The following TSEN34 variants were observed in gnomAD, a reference collection of about 807,000 sequenced individuals.
The protein encoded by TSEN34 is tRNA-splicing endonuclease subunit Sen34.
Under a neutral mutation model 30.2 loss-of-function variants are expected in TSEN34, and 25 were observed. The observed-to-expected ratio is 0.83, with a 90% CI of 0.60 to 1.16. The LOEUF is 1.16. Ranked by LOEUF, TSEN34 falls within the 50% of genes most tolerant of loss-of-function variation. The probability of loss-of-function intolerance (pLI) is 0.00; values close to 1 mark genes in which losing one functional copy is unlikely to be tolerated. For missense variants in TSEN34, 475 were observed against 411.9 expected (o/e 1.15, Z -1.33); for synonymous variants, 209 against 177.4 (o/e 1.18, Z -1.41).
At position 54,194,013 on chromosome 19, in the gene TSEN34, G is replaced by A; in HGVS notation, c.*651G>A. The A allele has an allele frequency of 7.1e-6, 2 of 282,918 alleles. No individual in the cohort carries two copies. Among genetic ancestry groups the A allele is most frequent in the South Asian group, 1.2e-4 (2 of 17,178 alleles). 17.5% of individuals were successfully genotyped at this position (282,918 alleles called of 1,614,324 possible). ...GCCCAGGAGTTTGAGACCAGCTCTG[G>A]CAACATTGTAATACCCAGTCTCTAC... On this transcript the variant is annotated 3_prime_UTR_variant, in exon 4 of 4. Transcript: ENST00000396388.
Position 54,193,275 on chromosome 19 carries a change from C to G in TSEN34, c.846C>G (p.Thr282=), listed in dbSNP as rs753154204. 1 of 1,614,040 alleles carries G rather than the reference C, an allele frequency of 6.2e-7. No homozygotes were observed. The highest frequency in any genetic ancestry group is 8.5e-7 in the Non-Finnish European group (1 of 1,180,046). The change falls in exon 4 of 4, where the codon ACC becomes ACG. Residue 282 remains threonine (T), a synonymous_variant. Coordinates refer to ENST00000396388, the MANE Select transcript of TSEN34 (RefSeq NM_001077446.4). ...TGGTTGCTGCTGGGCGCCTTGGAAC[C>G]AGCGTCAGAAAGACCCTGCTCCTCT... ...QDLVAAGRLG[T]SVRKTLLLCS...
Position 54,191,579 on chromosome 19 carries a change from C to G in TSEN34, c.215C>G (p.Pro72Arg), listed in dbSNP as rs765988539. The G allele has an allele frequency of 3.1e-6, 5 of 1,602,618 alleles. No individual in the cohort carries two copies. Among genetic ancestry groups the G allele is most frequent in the African/African-American group, 1.3e-5 (1 of 74,974 alleles). ...GGCGCCGTGACTCTGGTCAGCGCCC[C>G]GCGTCCAGACTCTCGGCACCACAGC... Reference protein sequence around the residue: ...EIGAVTLVSAPRPDSRHHSLA... With the variant: ...EIGAVTLVSARRPDSRHHSLA... Residue 72 changes from proline (P) to arginine (R), a missense_variant, in exon 1 of 4, where the codon CCG becomes CGG. Pro to Arg is a moderately radical substitution (Grantham distance 103). Coordinates refer to ENST00000396388, the MANE Select transcript of TSEN34 (RefSeq NM_001077446.4).
Position 54,191,308 on chromosome 19 carries a change from G to T in TSEN34, c.-57G>T, listed in dbSNP as rs1472943060. The T allele has an allele frequency of 6.5e-7, 1 of 1,546,788 alleles. No homozygotes were observed. The highest frequency in any genetic ancestry group is 1.2e-5 in the South Asian group (1 of 83,870). ...CCGGAGGCTTTGGGTGCGCTGCAGCGGTCCGCGGCGCGCAGCTGTTTCGGT... is the reference window on the plus strand; with the variant it reads ...CCGGAGGCTTTGGGTGCGCTGCAGCTGTCCGCGGCGCGCAGCTGTTTCGGT... On this transcript the variant is annotated 5_prime_UTR_variant, in exon 1 of 4. Transcript: ENST00000396388.
upstream of TSEN34, chr19:54,191,179 G>A: frequency 1.4e-6 from 2 of 1,384,424 alleles, no homozygotes; most frequent in Admixed American, 3.4e-5. Context: ...GGCCTGGTGG[G>A]ATCGCCCGGG....
chr19:54,190,802 C>T (rs1269252836), upstream of TSEN34: 1 of 1,085,796 alleles, frequency 9.2e-7, no homozygotes, highest in Non-Finnish European at 1.1e-6. Context: ...AGTCTGAGAG[C>T]GAGGAGGTCC....
upstream of TSEN34, chr19:54,190,817 G>T: frequency 3.7e-6 from 4 of 1,074,330 alleles, no homozygotes; most frequent in Non-Finnish European, 4.5e-6. Flanking sequence ...AGGTCCGAAA[G>T]CCGAATCACA....
At position 54,193,312 on chromosome 19, in the gene TSEN34, C is replaced by A; in HGVS notation, c.883C>A (p.Pro295Thr). Residue 295 changes from proline (P) to threonine (T), a missense_variant, in exon 4 of 4, where the codon CCT (proline) becomes ACT (threonine). Pro to Thr is a conservative substitution (Grantham distance 38). Coordinates refer to ENST00000396388, the MANE Select transcript of TSEN34 (RefSeq NM_001077446.4). ...GACCCTGCTCCTCTGTTCTCCGCAG[C>A]CTGATGGTAAGGTGGTCTACACCTC... The part of the protein sequence containing the change: ...RKTLLLCSPQ[P>T]DGKVVYTSLQ... 1 of 1,614,176 alleles carries A rather than the reference C, an allele frequency of 6.2e-7. No homozygotes were observed.
chr19:54,192,341 G>C lies in TSEN34; in HGVS notation c.713G>C (p.Gly238Ala). ...WERGFFLSAA[G>A]KFGGDFLVYP... ...CGAGGCTTCTTCCTCAGTGCGGCTG[G>C]CAAGTTCGGAGGTGACTTCCTGGTC... Residue 238 changes from glycine (G) to alanine (A), a missense_variant, in exon 3 of 4, where the codon GGC (glycine) becomes GCC (alanine). Gly to Ala is a moderately conservative substitution (Grantham distance 60, BLOSUM62 0). Coordinates refer to ENST00000396388, the MANE Select transcript of TSEN34 (RefSeq NM_001077446.4). 1.2e-6 allele frequency: 2 copies of C among 1,614,208 alleles called. No individual in the cohort carries two copies. The highest frequency in any genetic ancestry group is 2.2e-5 in the South Asian group (2 of 91,084).
upstream of TSEN34, chr19:54,190,080 G>C: frequency 1.9e-6 from 1 of 523,502 alleles, no homozygotes; most frequent in East Asian, 3.5e-5. Context: ...GCGGAACCCC[G>C]AGGGCCGGCG....
At chr19:54,190,679 C>T (rs1446951532), upstream of TSEN34, 41 of 1,238,860 alleles carry the variant, frequency 3.3e-5, no homozygotes, top group Non-Finnish European at 4.0e-5. Context: ...AACACCCGAA[C>T]GTCAAATTGC....
At position 54,193,271 on chromosome 19, in the gene TSEN34, GA is replaced by G; in HGVS notation, c.844del (p.Thr282ProfsTer110). 6.2e-7 allele frequency: 1 copy of G among 1,614,134 alleles called. No homozygotes were observed. Among genetic ancestry groups the G allele is most frequent in the South Asian group, 1.1e-5 (1 of 91,072 alleles). ...GACCTGGTTGCTGCTGGGCGCCTTG[GA>G]ACCAGCGTCAGAAAGACCCTGCTCC... ...LQDLVAAGRL[G>X]TSVRKTLLLC... On this transcript the variant is annotated frameshift_variant, in exon 4 of 4. Transcript: ENST00000396388. LOFTEE classifies it high-confidence loss of function.
chr19:54,193,520 T>A lies in TSEN34; in HGVS notation c.*158T>A. The A allele has an allele frequency of 6.5e-7, 1 of 1,539,962 alleles. No homozygotes were observed. Among genetic ancestry groups the A allele is most frequent in the Non-Finnish European group, 8.7e-7 (1 of 1,145,366 alleles). On this transcript the variant is annotated 3_prime_UTR_variant, in exon 4 of 4. Coordinates refer to ENST00000396388, the MANE Select transcript of TSEN34 (RefSeq NM_001077446.4). ...CACTACATCTTTTTTATGTTCTTCC[T>A]TGTTTCAAAGCACTTATTGGCTGTG...
upstream of TSEN34, chr19:54,189,932 T>C (rs534732344): frequency 5.0e-5 from 14 of 279,678 alleles, no homozygotes; most frequent in Admixed American, 3.1e-4. Flanking sequence ...CGGATGTGGG[T>C]GGGGCCACAA....
intron 3 of TSEN34, among the ~76,000 whole-genome samples, chr19:54,192,585 C>T (rs961614835): frequency 2.0e-5 from 3 of 152,060 alleles, no homozygotes; most frequent in African/African-American, 7.2e-5. Context: ...TTTTGTCTCA[C>T]TTTCTCTTAG....
chr19:54,194,476 T>C lies in TSEN34; in HGVS notation c.*1114T>C, dbSNP rs1458297607. On this transcript the variant is annotated 3_prime_UTR_variant, in exon 4 of 4. Coordinates refer to ENST00000396388, the MANE Select transcript of TSEN34 (RefSeq NM_001077446.4). ...TGAAATCATTTACCCATGTTTTTGC[T>C]TAAGAAAGTACTAGAACACTACCAC... 1 of 152,216 alleles carries C rather than the reference T, an allele frequency of 6.6e-6. No individual in the cohort carries two copies. The highest frequency in any genetic ancestry group is 1.5e-5 in the Non-Finnish European group (1 of 68,048). The allele number at this position is 152,216 out of a possible 1,614,324, so 9.4% of individuals were successfully genotyped here. A position where few individuals can be genotyped will look rare whatever the true frequency, so the allele number is the denominator to read the frequency against.
upstream of TSEN34, chr19:54,190,305 A>G: frequency 2.7e-6 from 4 of 1,459,058 alleles, no homozygotes; most frequent in East Asian, 2.6e-5. Context: ...GAGGGGGTGG[A>G]GCAAGGAGCG....
intron 1 of TSEN34, 25 bp from the exon 2 acceptor site, chr19:54,191,696 G>T: frequency 6.2e-7 from 1 of 1,613,622 alleles, no homozygotes; most frequent in Non-Finnish European, 8.5e-7. Flanking sequence ...TAAGCTTGGA[G>T]GTTCCAGCGA....
Position 54,191,615 on chromosome 19 carries a change from G to C in TSEN34, c.243+8G>C. 3.7e-6 allele frequency: 6 copies of C among 1,604,802 alleles called. No individual in the cohort carries two copies. Among genetic ancestry groups the C allele is most frequent in the Non-Finnish European group, 5.1e-6 (6 of 1,179,292 alleles). On this transcript the variant is annotated splice_region_variant and intron_variant, in intron 1 of 3. Coordinates refer to ENST00000396388, the MANE Select transcript of TSEN34 (RefSeq NM_001077446.4). ...TCTCGGCACCACAGCCTGGTAAGGGGGCGGGGCTCGAACTCGGGTTCGGTG... is the reference window on the plus strand; with the variant it reads ...TCTCGGCACCACAGCCTGGTAAGGGCGCGGGGCTCGAACTCGGGTTCGGTG...
At chr19:54,192,948 T>C (rs1223738726) in intron 3 of TSEN34, among the ~76,000 whole-genome samples, 2 of 138,794 alleles carry the variant, frequency 1.4e-5, no homozygotes, top group African/African-American at 5.6e-5. Context: ...GAGGTTGTAG[T>C]GAGCCAAGAT....
Sources: gnomAD v4.1 joint callset for allele counts (sites outside exome capture counted in the v4.1 genomes callset) on GRCh38, gnomAD v4.1.1 for gene constraint, MANE v1.5 for transcripts, NCBI Gene and HGNC (gene_info 2026-07-23, HGNC 2026-07-21) for gene names.